The following AGBL4 variants were observed in gnomAD, a reference collection of about 807,000 sequenced individuals.
AGBL4 encodes AGBL carboxypeptidase 4.
Under a neutral mutation model 66.4 loss-of-function variants are expected in AGBL4, and 58 were observed. The ratio of observed to expected loss-of-function variants is 0.87; its 90% confidence interval spans 0.71 to 1.09. The LOEUF is 1.09. AGBL4 is among the 50% of genes least tolerant of loss of function. AGBL4 has a pLI of 0.00. For synonymous variants in AGBL4, 234 were observed against 222.9 expected (o/e 1.05, Z -0.44); for missense variants, 579 against 631.0 (o/e 0.92, Z 0.88).
chr1:49,627,788 T>C (rs1448959141), intron 3 of AGBL4, among the ~76,000 whole-genome samples: 1 of 152,302 alleles, frequency 6.6e-6, no homozygotes, highest in South Asian at 2.1e-4. Context: ...CATAAGGCAA[T>C]AGGTGAAAGC....
At chr1:48,696,906 C>G (rs111253975) in intron 6 of AGBL4, among the ~76,000 whole-genome samples, 1 of 152,174 alleles carries the variant, frequency 6.6e-6, no homozygotes, top group Non-Finnish European at 1.5e-5. Context: ...CGTGGCCCCT[C>G]CTCCCTGAGG....
chr1:48,527,503 A>G, the AGBL4 span, among the ~76,000 whole-genome samples: 25 of 152,024 alleles, frequency 1.6e-4, no homozygotes, highest in African/African-American at 5.6e-4. Flanking sequence ...ACGCTGAGGC[A>G]GGAGAATTGC....
intron 2 of AGBL4, among the ~76,000 whole-genome samples, chr1:49,815,591 A>G (rs1645211274): frequency 6.6e-6 from 1 of 152,158 alleles, no homozygotes; most frequent in African/African-American, 2.4e-5. Flanking sequence ...GGGAACCTCC[A>G]AAGTGTTCTC....
intron 3 of AGBL4, among the ~76,000 whole-genome samples, chr1:49,548,122 A>G (rs1652651702): frequency 6.6e-6 from 1 of 152,170 alleles, no homozygotes; most frequent in Admixed American, 6.5e-5. Context: ...GTCGTTGTAA[A>G]GAGAGATACT....
intron 2 of AGBL4, among the ~76,000 whole-genome samples, chr1:49,795,626 CGT>C (rs138283870): frequency 1.3e-5 from 2 of 150,114 alleles, no homozygotes; most frequent in African/African-American, 2.4e-5. Context: ...AACCACAGAC[CGT>C]GTGTGTGTGT....
At chr1:48,812,610 G>A (rs533843320) in intron 6 of AGBL4, among the ~76,000 whole-genome samples, 4 of 152,242 alleles carry the variant, frequency 2.6e-5, no homozygotes, top group East Asian at 3.9e-4. Context: ...CCATTACTGG[G>A]TATATACCCA....
intron 6 of AGBL4, among the ~76,000 whole-genome samples, chr1:48,815,529 C>A (rs1443883741): frequency 1.3e-5 from 2 of 152,130 alleles, no homozygotes; most frequent in Admixed American, 1.3e-4. Context: ...AGTGACTTCA[C>A]TCAGTTTCCT....
chr1:49,582,897 T>C (rs1644572337), intron 3 of AGBL4, among the ~76,000 whole-genome samples: 1 of 152,238 alleles, frequency 6.6e-6, no homozygotes, highest in Non-Finnish European at 1.5e-5. Context: ...TGCTCTTGCA[T>C]GCCTATCAAT....
chr1:48,655,938 A>G (rs972807007), intron 7 of AGBL4, among the ~76,000 whole-genome samples: 14 of 152,326 alleles, frequency 9.2e-5, no homozygotes, highest in African/African-American at 2.9e-4. Context: ...GATTCCATCT[A>G]TTTTATTCCT....
At chr1:49,971,230 A>G (rs535357264) in intron 1 of AGBL4, among the ~76,000 whole-genome samples, 3 of 152,192 alleles carry the variant, frequency 2.0e-5, no homozygotes, top group Non-Finnish European at 2.9e-5. Flanking sequence ...GCACAATGAT[A>G]TCTTGCGCAG....
At chr1:49,583,226 G>A (rs1446791730) in intron 3 of AGBL4, among the ~76,000 whole-genome samples, 1 of 152,066 alleles carries the variant, frequency 6.6e-6, no homozygotes, top group African/African-American at 2.4e-5. Context: ...TAACATATGG[G>A]GCTTTAAGAG....
chr1:49,312,242 A>G (rs1644954152), intron 3 of AGBL4, among the ~76,000 whole-genome samples: 1 of 151,976 alleles, frequency 6.6e-6, no homozygotes, highest in African/African-American at 2.4e-5. Context: ...GAGGGAGTGC[A>G]TTTACTCCTT....
At chr1:48,695,245 A>G (rs1262204464) in intron 6 of AGBL4, among the ~76,000 whole-genome samples, 1 of 152,188 alleles carries the variant, frequency 6.6e-6, no homozygotes, top group Admixed American at 6.5e-5. Flanking sequence ...TCCAGTTCCT[A>G]GTTCCCCAGC....
intron 5 of AGBL4, among the ~76,000 whole-genome samples, chr1:48,929,071 C>T (rs913965730): frequency 6.6e-6 from 1 of 152,174 alleles, no homozygotes; most frequent in Non-Finnish European, 1.5e-5. Flanking sequence ...ATAACCTTCT[C>T]CAGACCTGGA....
chr1:49,822,151 G>T (rs1344876719), intron 2 of AGBL4, among the ~76,000 whole-genome samples: 1 of 152,060 alleles, frequency 6.6e-6, no homozygotes, highest in Non-Finnish European at 1.5e-5. Context: ...AATTGGGGGG[G>T]TTTTATTCAC....
intron 3 of AGBL4, among the ~76,000 whole-genome samples, chr1:49,495,784 A>C (rs1647500761): frequency 6.6e-6 from 1 of 152,060 alleles, no homozygotes; most frequent in Non-Finnish European, 1.5e-5. Context: ...AAGGATCAAA[A>C]ATGTTCACAT....
chr1:48,740,203 G>A (rs377095297), intron 6 of AGBL4, among the ~76,000 whole-genome samples: 37 of 152,308 alleles, frequency 2.4e-4, no homozygotes, highest in African/African-American at 7.0e-4. Context: ...GGTATAGGCC[G>A]GGGCATTTGA....
chr1:49,019,523 T>C (rs927705234), intron 5 of AGBL4, among the ~76,000 whole-genome samples: 1 of 152,222 alleles, frequency 6.6e-6, no homozygotes, highest in Non-Finnish European at 1.5e-5. Flanking sequence ...TTGTCAAATG[T>C]GGCTGTCTAC....
intron 2 of AGBL4, among the ~76,000 whole-genome samples, chr1:49,837,262 G>A (rs1015641774): frequency 6.6e-6 from 1 of 152,186 alleles, no homozygotes; most frequent in African/African-American, 2.4e-5. Flanking sequence ...GCCCAGAGAG[G>A]AGGATTCTAG....
Sources: allele counts gnomAD v4.1 joint callset (sites outside exome capture counted in the v4.1 genomes callset), GRCh38; gene constraint gnomAD v4.1.1; transcripts MANE v1.5; gene names NCBI Gene and HGNC (gene_info 2026-07-23, HGNC 2026-07-21).